The following DRD3 variants were observed in gnomAD, a reference collection of about 807,000 sequenced individuals.
DRD3 encodes the protein D(3) dopamine receptor.
In DRD3, 19 loss-of-function variants were observed where a neutral mutation model predicts 36.3. That is an observed-to-expected ratio of 0.52 (90% CI 0.36 to 0.77). The LOEUF (loss-of-function observed/expected upper bound fraction) is 0.77, where lower values mean the gene tolerates loss of function less well. Among genes scored for constraint, DRD3 ranks in the 30% least tolerant of loss-of-function variants. The pLI is 0.00. For synonymous variants in DRD3, 195 were observed against 203.7 expected (o/e 0.96, Z 0.36); for missense variants, 465 against 505.3 (o/e 0.92, Z 0.77).
At chr3:114,189,545 A>G (rs1193587228) in intron 1 of DRD3, among the ~76,000 whole-genome samples, 2 of 152,262 alleles carry the variant, frequency 1.3e-5, no homozygotes, top group Non-Finnish European at 2.9e-5. Context: ...TTTGGGCCGC[A>G]GACTAGGAAA....
At chr3:114,147,682 T>G in intron 3 of DRD3, 125 bp from the exon 4 acceptor site, 1 of 1,165,864 alleles carries the variant, frequency 8.6e-7, no homozygotes, top group African/African-American at 1.5e-5. Context: ...AGAAGTGCAG[T>G]GGCATGATTA....
intron 1 of DRD3, among the ~76,000 whole-genome samples, chr3:114,177,250 T>C (rs2077908768): frequency 6.6e-6 from 1 of 152,234 alleles, no homozygotes; most frequent in Admixed American, 6.5e-5. Context: ...ATTTCTATGC[T>C]ACTTTCTTCT....
intron 3 of DRD3, among the ~76,000 whole-genome samples, chr3:114,152,036 C>G (rs987068710): frequency 1.2e-4 from 18 of 152,146 alleles, no homozygotes; most frequent in African/African-American, 4.3e-4. Flanking sequence ...GAAGTGGAAC[C>G]CAGAAATGTG....
chr3:114,189,408 CA>C (rs904002451), intron 1 of DRD3, among the ~76,000 whole-genome samples: 7 of 152,176 alleles, frequency 4.6e-5, no homozygotes, highest in African/African-American at 1.4e-4. Context: ...GCTGGTTTAT[CA>C]GTCTTTTGAG....
chr3:114,193,293 A>G lies in DRD3; in HGVS notation c.-156+5980T>C, dbSNP rs112985909. On this transcript the variant is annotated intron_variant, in intron 1 of 7. Coordinates refer to the DRD3 transcript ENST00000460779. ...GACTCCGTCTCAAAACAACAACGAC[A>G]ACAACAACAACAACAACAACAACAG... 5.1e-3 allele frequency among the ~76,000 whole-genome samples: 622 copies of G among 121,956 alleles called. 5 individuals are homozygous for G. The highest frequency in any genetic ancestry group is 0.019 in the African/African-American group (569 of 30,750). The allele number at this position is 121,956 out of a possible 152,430, so 80.0% of individuals were successfully genotyped here.
chr3:114,185,757 C>T (rs534271395), intron 1 of DRD3, among the ~76,000 whole-genome samples: 5 of 152,176 alleles, frequency 3.3e-5, no homozygotes, highest in African/African-American at 1.2e-4. Context: ...CTCACTGTAA[C>T]CTCAAACTCC....
At chr3:114,164,339 C>T (rs545220960) in intron 2 of DRD3, among the ~76,000 whole-genome samples, 1 of 145,336 alleles carries the variant, frequency 6.9e-6, no homozygotes, top group Non-Finnish European at 1.5e-5. Context: ...TAGAATTATA[C>T]AGCAACCAGG....
chr3:114,146,240 A>G (rs1299196234), intron 4 of DRD3, among the ~76,000 whole-genome samples: 2 of 152,364 alleles, frequency 1.3e-5, no homozygotes, highest in East Asian at 1.9e-4. Context: ...TGACTGGTAC[A>G]TATATACTAG....
chr3:114,135,661 G>A (rs1163620581), intron 5 of DRD3, among the ~76,000 whole-genome samples: 1 of 151,758 alleles, frequency 6.6e-6, no homozygotes, highest in African/African-American at 2.4e-5. Flanking sequence ...CAGAGATTAT[G>A]GTGTGTTTTT....
At chr3:114,166,776 C>G (rs2077789431) in intron 2 of DRD3, among the ~76,000 whole-genome samples, 1 of 152,192 alleles carries the variant, frequency 6.6e-6, no homozygotes, top group Non-Finnish European at 1.5e-5. Context: ...AAGACTCATC[C>G]TCAGAGAAAC....
chr3:114,147,570 G>A lies in DRD3; in HGVS notation c.384-13C>T. The A allele has an allele frequency of 6.2e-7, 1 of 1,603,660 alleles. No individual in the cohort carries two copies. Among genetic ancestry groups the A allele is most frequent in the Non-Finnish European group, 8.5e-7 (1 of 1,171,304 alleles). On this transcript the variant is annotated splice_polypyrimidine_tract_variant and intron_variant, in intron 3 of 6. Coordinates refer to ENST00000383673, the MANE Select transcript of DRD3 (RefSeq NM_000796.6). ...CACTGCAGTGTACCTGAAAAAGCAAGGGGAGAGGGGATAGGCATGGTGAGA... is the reference window on the plus strand; with the variant it reads ...CACTGCAGTGTACCTGAAAAAGCAAAGGGAGAGGGGATAGGCATGGTGAGA...
At chr3:114,147,337 G>T (rs774759263) in intron 4 of DRD3, 78 bp downstream of exon 4, 1,142 of 1,555,948 alleles carry the variant, frequency 7.3e-4, no homozygotes, top group Non-Finnish European at 9.3e-4. Flanking sequence ...AAATTGCAGG[G>T]CTGAGCACAA....
chr3:114,140,969 A>C (rs1366052610), intron 4 of DRD3, among the ~76,000 whole-genome samples: 1 of 152,152 alleles, frequency 6.6e-6, no homozygotes, highest in Non-Finnish European at 1.5e-5. Context: ...TCAGTGTGAG[A>C]TTCAGGTCTG....
intron 4 of DRD3, among the ~76,000 whole-genome samples, chr3:114,143,493 C>T (rs2077544867): frequency 6.6e-6 from 1 of 152,216 alleles, no homozygotes; most frequent in Admixed American, 6.5e-5. Flanking sequence ...TGAGACCCAC[C>T]ATGATGTGGA....
chr3:114,134,571 C>T (rs1355197280), intron 5 of DRD3, among the ~76,000 whole-genome samples: 3 of 151,642 alleles, frequency 2.0e-5, no homozygotes, highest in Non-Finnish European at 4.4e-5. Flanking sequence ...AGGCGCCCAC[C>T]ATCACACCTG....
intron 5 of DRD3, among the ~76,000 whole-genome samples, chr3:114,134,429 T>C (rs1474917970): frequency 2.0e-5 from 3 of 152,012 alleles, no homozygotes; most frequent in Admixed American, 6.6e-5. Flanking sequence ...TATTTATTTA[T>C]TTATTCTTTA....
At chr3:114,198,394 C>T (rs1246519021) in intron 1 of DRD3, among the ~76,000 whole-genome samples, 1 of 152,054 alleles carries the variant, frequency 6.6e-6, no homozygotes, top group Non-Finnish European at 1.5e-5. Context: ...ACCTCAGCCT[C>T]CCAAAGTGCT....
upstream of DRD3, among the ~76,000 whole-genome samples, chr3:114,182,970 T>C (rs1277452491): frequency 2.0e-5 from 3 of 152,234 alleles, no homozygotes; most frequent in African/African-American, 7.2e-5. Context: ...TTCAGATATC[T>C]TTTTGAGATC....
At chr3:114,138,407 G>C (rs950843500) in intron 5 of DRD3, among the ~76,000 whole-genome samples, 1 of 152,138 alleles carries the variant, frequency 6.6e-6, no homozygotes, top group African/African-American at 2.4e-5. Flanking sequence ...CACAATCATG[G>C]TGGAAGGTGA....
Sources: allele counts gnomAD v4.1 joint callset (sites outside exome capture counted in the v4.1 genomes callset), GRCh38; gene constraint gnomAD v4.1.1; transcripts MANE v1.5; gene names NCBI Gene and HGNC (gene_info 2026-07-23, HGNC 2026-07-21).